Variants in USH1C observed in about 807,000 individuals in gnomAD.
USH1C encodes USH1 protein network component harmonin, also known as harmonin.
In USH1C, 90 loss-of-function variants were observed where a neutral mutation model predicts 119.3. The ratio of observed to expected loss-of-function variants is 0.75; its 90% CI spans 0.64 to 0.90. USH1C has a LOEUF of 0.90. Among genes scored for constraint, USH1C ranks in the 40% least tolerant of loss-of-function variants. The pLI is 0.00. For synonymous variants in USH1C, 465 were observed against 443.3 expected, an observed-to-expected ratio of 1.05 and a Z score of -0.62; for missense variants, 1,165 against 1,167.7, an observed-to-expected ratio of 1.00 and a Z score of 0.03.
In USH1C at chr11:17,521,002, G is replaced by T; in HGVS notation, c.1086-8C>A. On this transcript the variant is annotated splice_region_variant and splice_polypyrimidine_tract_variant and intron_variant, in intron 13 of 26. Coordinates refer to ENST00000005226, the MANE Select transcript of USH1C (RefSeq NM_153676.4). ...TCTTCCTCCTCTACAATCCTAAAAT[G>T]AGACCCCCATGCCTGTTACTGGAGT... 6.2e-7 allele frequency: 1 copy of T among 1,613,928 alleles called. No individual in the cohort carries two copies. The highest frequency in any genetic ancestry group is 8.5e-7 in the Non-Finnish European group (1 of 1,179,920).
intron 6 of USH1C, 61 bp downstream of exon 6, chr11:17,526,955 G>C: frequency 6.4e-7 from 1 of 1,563,556 alleles, no homozygotes; most frequent in East Asian, 2.4e-5. Flanking sequence ...CGGACCCCAG[G>C]GCTGTACCAG....
intron 23 of USH1C, 86 bp downstream of exon 23, chr11:17,500,965 C>T: frequency 1.8e-6 from 2 of 1,140,240 alleles, no homozygotes; most frequent in Non-Finnish European, 2.6e-6. Flanking sequence ...CAGCCCACTC[C>T]AAGTGGTCAC....
intron 4 of USH1C, among the ~76,000 whole-genome samples, chr11:17,528,455 GT>G (rs1467063133): frequency 4.6e-5 from 7 of 152,232 alleles, no homozygotes; most frequent in Non-Finnish European, 7.3e-5. Flanking sequence ...TTTGTCCAAG[GT>G]CACACAGCCA....
chr11:17,520,723 G>T (rs1850371860), intron 14 of USH1C, 147 bp downstream of exon 14: 1 of 962,118 alleles, frequency 1.0e-6, no homozygotes, highest in Non-Finnish European at 1.7e-6. Flanking sequence ...TGGGGCAGAT[G>T]GTCTCTGACC....
chr11:17,532,713 G>A lies in USH1C; in HGVS notation c.104+542C>T, dbSNP rs111427630. ...ACATTTCTGCTTTTACCTCTACTTA[G>A]CAGTTATTTGATGTAACTTATATTA... On this transcript the variant is annotated intron_variant, in intron 2 of 26. Coordinates refer to ENST00000005226, the MANE Select transcript of USH1C (RefSeq NM_153676.4). Among the ~76,000 whole-genome samples the A allele has an allele frequency of 6.2e-3, 939 of 152,248 alleles. 6 individuals carry two copies. Among genetic ancestry groups the A allele is most frequent in the African/African-American group, 0.022 (903 of 41,546 alleles).
intron 14 of USH1C, among the ~76,000 whole-genome samples, chr11:17,520,272 A>G (rs1362654196): frequency 6.6e-6 from 1 of 152,132 alleles, no homozygotes; most frequent in East Asian, 1.9e-4. Context: ...GGAGATGGTA[A>G]GGAGAGTATG....
At position 17,535,422 on chromosome 11, in the gene USH1C, C is replaced by T. The variant is rs182475182; in HGVS notation, c.37-2100G>A. 1.1e-4 allele frequency among the ~76,000 whole-genome samples: 16 copies of T among 152,128 alleles called. 1 individual carries two copies. The highest frequency in any genetic ancestry group is 3.9e-4 in the Admixed American group (6 of 15,290). Reference sequence around the variant, plus strand: ...CCCTGCTCACCTACCCAGACAGAACCGACTCCTGCACCCCGGAGATGTTTC... The same window carrying T: ...CCCTGCTCACCTACCCAGACAGAACTGACTCCTGCACCCCGGAGATGTTTC... On this transcript the variant is annotated intron_variant, in intron 1 of 26. Transcript: ENST00000005226.
At chr11:17,501,407 GAGGC>G (rs1849439296) in intron 22 of USH1C, 71 bp downstream of exon 22, 3 of 1,522,554 alleles carry the variant, frequency 2.0e-6, no homozygotes, top group East Asian at 4.7e-5. Context: ...CTTGAGAGTA[GAGGC>G]AGGAGACCAA....
At chr11:17,494,676 G>A in intron 26 of USH1C, 1 of 469,720 alleles carries the variant, frequency 2.1e-6, no homozygotes, top group Non-Finnish European at 3.9e-6. Flanking sequence ...GGCCATGCAG[G>A]CCACCCCAGA....
At chr11:17,543,168 C>T (rs1446600492) in intron 1 of USH1C, among the ~76,000 whole-genome samples, 1 of 152,204 alleles carries the variant, frequency 6.6e-6, no homozygotes, top group Non-Finnish European at 1.5e-5. Flanking sequence ...GGCCCCAAGC[C>T]CCTGTGGCCC....
chr11:17,522,085 G>A (rs750376317), intron 12 of USH1C, among the ~76,000 whole-genome samples: 16 of 152,230 alleles, frequency 1.1e-4, no homozygotes, highest in Non-Finnish European at 2.2e-4. Context: ...TGCCGGCCTC[G>A]ACCTCCAAAG....
chr11:17,495,435 G>C, intron 26 of USH1C, 134 bp downstream of exon 26: 2 of 925,738 alleles, frequency 2.2e-6, no homozygotes, highest in East Asian at 4.8e-5. Flanking sequence ...GCAGGCCCCA[G>C]GCAGCACTTC....
At chr11:17,496,258 T>A (rs928475150) in intron 25 of USH1C, among the ~76,000 whole-genome samples, 1 of 151,874 alleles carries the variant, frequency 6.6e-6, no homozygotes, top group African/African-American at 2.4e-5. Context: ...ACACAGGGAA[T>A]CACAGAGAGA....
chr11:17,519,748 C>T (rs1850331633), intron 14 of USH1C, among the ~76,000 whole-genome samples: 1 of 152,194 alleles, frequency 6.6e-6, no homozygotes, highest in South Asian at 2.1e-4. Context: ...TGACACTGCC[C>T]TGCTGCCAGG....
intron 20 of USH1C, among the ~76,000 whole-genome samples, chr11:17,502,225 C>CACA (rs1849474795): frequency 1.3e-5 from 2 of 152,226 alleles, no homozygotes; most frequent in South Asian, 4.1e-4. Context: ...CCTGCTTCAG[C>CACA]GGCACAAGCG....
rs764681078 is a variant in USH1C at position 17,527,230 on chromosome 11, T to C, written c.489A>G (p.Lys163=). 6.6e-7 allele frequency: 1 copy of C among 1,507,432 alleles called. No homozygotes were observed. The highest frequency in any genetic ancestry group is 1.1e-5 in the South Asian group (1 of 88,908). 93.4% of individuals were successfully genotyped at this position (1,507,432 alleles called of 1,614,324 possible). A position where few individuals can be genotyped will look rare whatever the true frequency, so the allele number is the denominator to read the frequency against. ...LIRTKKTVSI[K]VRHIGLIPVK... is the part of the protein sequence containing the mutation. ...TGCTCTGGCCTCACTCACGTCTCAC[T>C]TTGATGGACACAGTTTTCTTGGTTC... Residue 163 remains lysine (K), a synonymous_variant, in exon 5 of 27, where the codon AAA becomes AAG. Transcript: ENST00000005226.
At chr11:17,511,808 G>T in intron 16 of USH1C, 94 bp downstream of exon 16, 1 of 1,465,322 alleles carries the variant, frequency 6.8e-7, no homozygotes. Flanking sequence ...TGCCATTTGA[G>T]GAGAACAACT....
Position 17,527,035 on chromosome 11 carries a change from C to T in USH1C, c.502G>A (p.Gly168Ser), listed in dbSNP as rs1032568806. Residue 168 changes from glycine to serine, a missense_variant, in exon 6 of 27, where the codon GGC (glycine) becomes AGC (serine). Coordinates refer to ENST00000005226, the MANE Select transcript of USH1C (RefSeq NM_153676.4). ...KTVSIKVRHI[G>S]LIPVKSSPDE... Reference sequence around the variant, plus strand: ...TCTCACCTTTTCACGGGGATCAGGCCGATGTCTGCGGGAGAAAGGCACAGG... The same window carrying T: ...TCTCACCTTTTCACGGGGATCAGGCTGATGTCTGCGGGAGAAAGGCACAGG... 2.6e-5 allele frequency: 41 copies of T among 1,556,964 alleles called. No homozygotes were observed. The highest frequency in any genetic ancestry group is 1.7e-4 in the Middle Eastern group (1 of 5,922).
chr11:17,520,759 C>T, intron 14 of USH1C, 111 bp downstream of exon 14: 1 of 1,357,750 alleles, frequency 7.4e-7, no homozygotes, highest in Non-Finnish European at 1.1e-6. Flanking sequence ...ATGAAGGAAC[C>T]ACAGCCCAGA....
Sources: allele counts gnomAD v4.1 joint callset (sites outside exome capture counted in the v4.1 genomes callset), GRCh38; gene constraint gnomAD v4.1.1; transcripts MANE v1.5; gene names NCBI Gene and HGNC (gene_info 2026-07-23, HGNC 2026-07-21).